PHC2: variants seen among roughly 807,000 people sequenced by gnomAD.
The protein encoded by PHC2 is polyhomeotic homolog 2.
In PHC2, 29 loss-of-function variants were observed where a neutral mutation model predicts 87.4. That is an observed-to-expected ratio of 0.33 (90% CI 0.25 to 0.45). The LOEUF (loss-of-function observed/expected upper bound fraction) is 0.45, where lower values mean the gene tolerates loss of function less well. Ranked by LOEUF, PHC2 falls within the 20% of genes least tolerant of loss-of-function variation. The pLI is 1.00. For missense variants in PHC2, 857 were observed against 1,136.7 expected, an observed-to-expected ratio of 0.75 and a Z score of 3.54; for synonymous variants, 438 against 461.7, an observed-to-expected ratio of 0.95 and a Z score of 0.66.
chr1:33,381,178 G>A (rs1648472041), intron 1 of PHC2, among the ~76,000 whole-genome samples: 1 of 152,142 alleles, frequency 6.6e-6, no homozygotes, highest in South Asian at 2.1e-4. Context: ...GCTGCTCCCA[G>A]AGCACTCTGT....
chr1:33,365,732 T>C (rs1377981731), intron 7 of PHC2, among the ~76,000 whole-genome samples: 1 of 152,226 alleles, frequency 6.6e-6, no homozygotes, highest in African/African-American at 2.4e-5. Context: ...CGGTGACCAC[T>C]GGAATGCAGC....
At chr1:33,357,825 G>A (rs1255838514) in intron 7 of PHC2, among the ~76,000 whole-genome samples, 1 of 152,202 alleles carries the variant, frequency 6.6e-6, no homozygotes, top group Non-Finnish European at 1.5e-5. Flanking sequence ...GCATGTCACT[G>A]CAAATGCAAC....
Position 33,349,429 on chromosome 1 carries a change from G to A in PHC2, c.1558+4972C>T, listed in dbSNP as rs913440809. ...CCCAGGCGAGCGAGGCTGGGGAGCAGGGCACCTCCCAGGCGCCGCGCGGAC... is the reference window on the plus strand; with the variant it reads ...CCCAGGCGAGCGAGGCTGGGGAGCAAGGCACCTCCCAGGCGCCGCGCGGAC... On this transcript the variant is annotated intron_variant, in intron 9 of 14. Transcript: ENST00000683057. This position sits in a 1 kb window ranked among gnomAD's most constrained non-coding sequence, Gnocchi z 4.2. 3 of 985,172 alleles carry A rather than the reference G, an allele frequency of 3.0e-6. No individual in the cohort carries two copies. Among genetic ancestry groups the A allele is most frequent in the African/African-American group, 3.5e-5 (2 of 57,210 alleles). The allele number at this position is 985,172 out of a possible 1,614,324, so 61.0% of individuals were successfully genotyped here.
At chr1:33,390,783 C>T (rs1363241951) in intron 1 of PHC2, among the ~76,000 whole-genome samples, 1 of 151,728 alleles carries the variant, frequency 6.6e-6, no homozygotes, top group Non-Finnish European at 1.5e-5. Context: ...CGGTTCCTCA[C>T]CCCCTCCAAC....
rs1337372739 is a variant in PHC2, at chr1:33,355,247, G to A, written c.983C>T (p.Ala328Val). ...AAHPLIAPAY[A>V]QLQPHQLLPQ... ...GAGGAGCTGGTGTGGCTGCAGCTGA[G>A]CATAGGCTGAAAGGGGAAAGGCCAG... Residue 328 changes from alanine to valine, a missense_variant, in exon 8 of 15, where the codon GCT (alanine) becomes GTT (valine). Ala to Val is a moderately conservative substitution (Grantham distance 64). Around this residue, in one of 3 missense-constraint regions of PHC2, gnomAD observed 832 missense variants for 1,081.8 expected, o/e 0.77. Coordinates refer to ENST00000683057, the MANE Select transcript of PHC2 (RefSeq NM_001385109.1). The A allele has an allele frequency of 6.4e-7, 1 of 1,567,810 alleles. No homozygotes were observed. Among genetic ancestry groups the A allele is most frequent in the East Asian group, 2.3e-5 (1 of 44,382 alleles).
chr1:33,373,803 C>T (rs1425990020), intron 2 of PHC2, among the ~76,000 whole-genome samples: 2 of 152,114 alleles, frequency 1.3e-5, no homozygotes, highest in African/African-American at 2.4e-5. Context: ...CCTGTCCCGG[C>T]GAGCAAGCCT....
At chr1:33,327,775 C>T (rs1646403179) in intron 14 of PHC2, among the ~76,000 whole-genome samples, 1 of 152,164 alleles carries the variant, frequency 6.6e-6, no homozygotes, top group South Asian at 2.1e-4. Context: ...TTGCCAACAG[C>T]CAGCCCAGGG....
Position 33,349,703 on chromosome 1 carries a change from C to T in PHC2, c.1558+4698G>A. 2 of 992,642 alleles carry T rather than the reference C, an allele frequency of 2.0e-6. No individual in the cohort carries two copies. The highest frequency in any genetic ancestry group is 1.8e-5 in the African/African-American group (1 of 56,964). The allele number at this position is 992,642 out of a possible 1,614,324, so 61.5% of individuals were successfully genotyped here. A position where few individuals can be genotyped will look rare whatever the true frequency, so the allele number is the denominator to read the frequency against. ...CCCGGGCGGGCCGCCTCCTCTCCGC[C>T]GGGAGCCTCCGAGCCGGGGCCCGGG... On this transcript the variant is annotated intron_variant, in intron 9 of 14. Coordinates refer to ENST00000683057, the MANE Select transcript of PHC2 (RefSeq NM_001385109.1). This position sits in a 1 kb window ranked among gnomAD's most constrained non-coding sequence, Gnocchi z 4.2.
intron 9 of PHC2, among the ~76,000 whole-genome samples, chr1:33,335,960 A>G (rs1427337458): frequency 6.8e-6 from 1 of 147,652 alleles, no homozygotes; most frequent in Non-Finnish European, 1.5e-5. Context: ...GTCTTGGTCC[A>G]CTCAAGCTCA....
In PHC2 at chr1:33,335,902, G is replaced by C. The variant is rs186451986; in HGVS notation, c.1559-1610C>G. ...GCGACAGAGCAAGACTCTATCTTGG[G>C]GGGGGAGGGGGGGAAAGAAAAGATG... On this transcript the variant is annotated intron_variant, in intron 9 of 14. Coordinates refer to ENST00000683057, the MANE Select transcript of PHC2 (RefSeq NM_001385109.1). 3.0e-3 allele frequency among the ~76,000 whole-genome samples: 433 copies of C among 144,644 alleles called. 4 individuals are homozygous for C. Among genetic ancestry groups the C allele is most frequent in the African/African-American group, 9.3e-3 (381 of 41,124 alleles). The allele number at this position is 144,644 out of a possible 152,430, so 94.9% of individuals were successfully genotyped here. A position where few individuals can be genotyped will look rare whatever the true frequency, so the allele number is the denominator to read the frequency against.
chr1:33,367,370 G>C lies in PHC2; in HGVS notation c.722C>G (p.Thr241Ser). The C allele has an allele frequency of 6.2e-7, 1 of 1,607,736 alleles. No homozygotes were observed. The highest frequency in any genetic ancestry group is 1.3e-5 in the African/African-American group (1 of 74,980). The change falls in exon 7 of 15, where the codon ACC becomes AGC. Residue 241 changes from threonine to serine, a missense_variant. This residue lies in a region of PHC2 where 832 missense variants were observed against 1,081.8 expected (regional missense o/e 0.77). Coordinates refer to ENST00000683057, the MANE Select transcript of PHC2 (RefSeq NM_001385109.1). The part of the protein sequence containing the change: ...QTPAAAASGP[T>S]PTQPVLPSLA... ...GCTGGGCAGGACAGGCTGAGTGGGG[G>C]TGGGGCCCGAGGCTGCTGCCGCTGG...
intron 1 of PHC2, among the ~76,000 whole-genome samples, chr1:33,393,087 A>T: frequency 1.3e-5 from 2 of 152,216 alleles, no homozygotes; most frequent in African/African-American, 4.8e-5. Context: ...AGAGTTCCAC[A>T]GACAGACACT....
At chr1:33,325,215 G>C (rs913009115) in intron 14 of PHC2, 196 bp from the exon 15 acceptor site, 3 of 568,646 alleles carry the variant, frequency 5.3e-6, no homozygotes, top group Non-Finnish European at 9.3e-6. Flanking sequence ...CACAGCAGCC[G>C]CGATCTGGGC....
At chr1:33,421,062 AATT>A (rs1247562727) in intron 1 of PHC2, among the ~76,000 whole-genome samples, 9 of 152,348 alleles carry the variant, frequency 5.9e-5, no homozygotes, top group Admixed American at 1.3e-4. Context: ...TTGTAATTCC[AATT>A]ATTATTATGC....
intron 13 of PHC2, 131 bp from the exon 14 acceptor site, chr1:33,329,277 TCTTCC>T: frequency 3.5e-6 from 3 of 852,704 alleles, no homozygotes; most frequent in Non-Finnish European, 5.4e-6. Context: ...TCTAACAGCA[TCTTCC>T]ATGCTGTCCT....
chr1:33,346,978 G>A, intron 9 of PHC2: 3 of 985,456 alleles, frequency 3.0e-6, no homozygotes, highest in Non-Finnish European at 3.6e-6. Flanking sequence ...CCAGAGGTAA[G>A]AAGAGTTCAA....
Position 33,355,038 on chromosome 1 carries a change from G to A in PHC2, c.1192C>T (p.Leu398=), listed in dbSNP as rs747111704. The A allele has an allele frequency of 6.2e-7, 1 of 1,613,722 alleles. No individual in the cohort carries two copies. The highest frequency in any genetic ancestry group is 8.5e-7 in the Non-Finnish European group (1 of 1,180,006). Residue 398 remains leucine, a synonymous_variant, in exon 8 of 15, where the codon CTA becomes TTA. Coordinates refer to ENST00000683057, the MANE Select transcript of PHC2 (RefSeq NM_001385109.1). ...GGCAGGGCGGGTGTAACCGGGCCTA[G>A]TGGCATGGCATGGGCCTCTGAGCTG... The part of the protein sequence containing the change: ...QPSSEAHAMP[L]GPVTPALPLQ...
chr1:33,368,768 C>T lies in PHC2; in HGVS notation c.577-146G>A, dbSNP rs566408249. 80 of 672,184 alleles carry T rather than the reference C, an allele frequency of 1.2e-4. No individual in the cohort carries two copies. The African/African-American group carries it at 1.2e-3, about 10-fold the overall frequency. 41.6% of individuals were successfully genotyped at this position (672,184 alleles called of 1,614,324 possible). A position where few individuals can be genotyped will look rare whatever the true frequency, so the allele number is the denominator to read the frequency against. ...AGGACACAACTGTTTAGCCCAGGAG[C>T]GGCTATGAGGAAGGGCAGGACAGTA... On this transcript the variant is annotated intron_variant, in intron 5 of 14. Transcript: ENST00000683057. This position sits in a 1 kb window ranked among gnomAD's most constrained non-coding sequence, Gnocchi z 6.6.
Position 33,324,655 on chromosome 1 carries a change from T to G in PHC2, c.*210A>C. On this transcript the variant is annotated 3_prime_UTR_variant, in exon 15 of 15. Coordinates refer to ENST00000683057, the MANE Select transcript of PHC2 (RefSeq NM_001385109.1). ...TATTTACAAGCATAAAGCCCCATCT[T>G]CTGTGCCACCTACCTCTCTGCCCCT... The G allele has an allele frequency of 2.0e-6, 1 of 492,298 alleles. No individual in the cohort carries two copies. Among genetic ancestry groups the G allele is most frequent in the Non-Finnish European group, 3.6e-6 (1 of 277,426 alleles). The allele number at this position is 492,298 out of a possible 1,614,324, so 30.5% of individuals were successfully genotyped here.
Sources: allele counts gnomAD v4.1 joint callset (sites outside exome capture counted in the v4.1 genomes callset), GRCh38; gene constraint gnomAD v4.1.1; regional missense constraint gnomAD v4.1.1; non-coding constraint Gnocchi (gnomAD v3.1); transcripts MANE v1.5; gene names NCBI Gene and HGNC (gene_info 2026-07-23, HGNC 2026-07-21).